Variants in GTF2F2 observed in about 807,000 individuals in gnomAD.
The protein encoded by GTF2F2 is general transcription factor IIF subunit 2.
Under a neutral mutation model 42.2 loss-of-function variants are expected in GTF2F2, and 23 were observed. The ratio of observed to expected loss-of-function variants is 0.55; its 90% CI spans 0.39 to 0.77. The LOEUF (loss-of-function observed/expected upper bound fraction) is 0.77. Among genes scored for constraint, GTF2F2 ranks in the 30% least tolerant of loss-of-function variants. The probability of loss-of-function intolerance (pLI) is 0.00; values close to 1 mark genes in which losing one functional copy is unlikely to be tolerated. For missense variants in GTF2F2, 261 were observed against 287.2 expected, an observed-to-expected ratio of 0.91 and a Z score of 0.66; for synonymous variants, 105 against 100.8, an observed-to-expected ratio of 1.04 and a Z score of -0.25.
chr13:45,123,640 A>AC (rs1410656987), intron 1 of GTF2F2, among the ~76,000 whole-genome samples: 2 of 151,384 alleles, frequency 1.3e-5, no homozygotes, highest in African/African-American at 4.9e-5. Context: ...AAAAGAAAAA[A>AC]AAAAAAACAA....
chr13:45,271,969 A>G (rs1876812904), intron 7 of GTF2F2, among the ~76,000 whole-genome samples: 1 of 152,022 alleles, frequency 6.6e-6, no homozygotes, highest in African/African-American at 2.4e-5. Context: ...ACTACTACTT[A>G]ATAACTGCTG....
intron 4 of GTF2F2, chr13:45,193,621 C>CA (rs1299976117): frequency 1.6e-6 from 1 of 607,064 alleles, no homozygotes; most frequent in Non-Finnish European, 2.8e-6. Context: ...AGAGGAAGGA[C>CA]ATCTTTAGCG....
At chr13:45,216,453 C>T (rs535372764) in intron 5 of GTF2F2, among the ~76,000 whole-genome samples, 1 of 152,142 alleles carries the variant, frequency 6.6e-6, no homozygotes, top group South Asian at 2.1e-4. Context: ...CTGACATACC[C>T]AAATGTGTGA....
intron 5 of GTF2F2, among the ~76,000 whole-genome samples, chr13:45,235,299 G>A (rs1346657761): frequency 6.6e-6 from 1 of 151,672 alleles, no homozygotes; most frequent in Non-Finnish European, 1.5e-5. Flanking sequence ...ATATTTGTGA[G>A]ACTAAATTCT....
rs143999940 is a variant in GTF2F2 at position 45,245,991 on chromosome 13, A to ATTATTTAT, written c.387-6861_387-6854dup. On this transcript the variant is annotated intron_variant, in intron 5 of 7. Coordinates refer to ENST00000340473, the MANE Select transcript of GTF2F2 (RefSeq NM_004128.3). ...TTTCACCACATCCACGCCAACATCT[A>ATTATTTAT]TTATTTATTTATTTATTTATTTATT... 2.2e-3 allele frequency among the ~76,000 whole-genome samples: 313 copies of ATTATTTAT among 140,930 alleles called. 4 individuals carry two copies. The highest frequency in any genetic ancestry group is 7.4e-3 in the African/African-American group (286 of 38,802). The allele number at this position is 140,930 out of a possible 152,430, so 92.5% of individuals were successfully genotyped here.
intron 4 of GTF2F2, among the ~76,000 whole-genome samples, chr13:45,175,425 T>C (rs1435097773): frequency 6.6e-6 from 1 of 152,238 alleles, no homozygotes; most frequent in Non-Finnish European, 1.5e-5. Context: ...CTCTTCAACA[T>C]ACTGATTTCC....
intron 5 of GTF2F2, among the ~76,000 whole-genome samples, chr13:45,241,184 AATATAT>A (rs71697631): frequency 6.9e-6 from 1 of 143,886 alleles, no homozygotes; most frequent in Non-Finnish European, 1.5e-5. Context: ...ATAAATATAA[AATATAT>A]ATATATATAT....
At chr13:45,241,026 A>G (rs951287146) in intron 5 of GTF2F2, among the ~76,000 whole-genome samples, 1 of 150,718 alleles carries the variant, frequency 6.6e-6, no homozygotes, top group Non-Finnish European at 1.5e-5. Flanking sequence ...GGTGGCATGC[A>G]TCTTTTATCC....
Position 45,144,940 on chromosome 13 carries a change from A to T in GTF2F2, c.141-4830A>T, listed in dbSNP as rs560076542. ...TGTGTGTGTATATAACTTACACAAC[A>T]TGCACACATATTCCTGCTCAAAACA... On this transcript the variant is annotated intron_variant, in intron 2 of 7. Coordinates refer to ENST00000340473, the MANE Select transcript of GTF2F2 (RefSeq NM_004128.3). Among the ~76,000 whole-genome samples the T allele has an allele frequency of 6.6e-5, 10 of 152,306 alleles. No individual in the cohort carries two copies. In the South Asian group the frequency reaches 2.1e-3, roughly 32 times the overall value.
chr13:45,250,051 CTTT>C (rs780347641), intron 5 of GTF2F2, among the ~76,000 whole-genome samples: 29 of 100,874 alleles, frequency 2.9e-4, no homozygotes, highest in African/African-American at 1.1e-3. Flanking sequence ...TGCCTTATCT[CTTT>C]TTTTTTTTTT....
At chr13:45,266,273 A>G (rs144885756) in intron 6 of GTF2F2, among the ~76,000 whole-genome samples, 35 of 152,378 alleles carry the variant, frequency 2.3e-4, no homozygotes, top group Non-Finnish European at 4.0e-4. Context: ...TAGAGGTCAC[A>G]TGAAGTTTTA....
chr13:45,246,996 G>A (rs992705232), intron 5 of GTF2F2, among the ~76,000 whole-genome samples: 5 of 145,572 alleles, frequency 3.4e-5, no homozygotes, highest in South Asian at 2.2e-4. Flanking sequence ...CGAGATAAGC[G>A]CCACTGCACT....
At chr13:45,212,745 C>CT (rs1009937722) in intron 5 of GTF2F2, among the ~76,000 whole-genome samples, 8 of 150,824 alleles carry the variant, frequency 5.3e-5, no homozygotes, top group Non-Finnish European at 7.4e-5. Context: ...TTTGTAGTTT[C>CT]TTTTTTTTGT....
chr13:45,267,140 A>G (rs1876595833), intron 6 of GTF2F2, 93 bp from the exon 7 acceptor site: 1 of 1,079,706 alleles, frequency 9.3e-7, no homozygotes, highest in East Asian at 2.4e-5. Context: ...CAAGAGCAAA[A>G]CTCTGTCTCA....
chr13:45,216,509 G>A (rs946344029), intron 5 of GTF2F2, among the ~76,000 whole-genome samples: 1 of 151,724 alleles, frequency 6.6e-6, no homozygotes. Flanking sequence ...AAAGTCTTGT[G>A]TTTGTTTTTT....
chr13:45,155,332 C>A (rs1420281079), intron 4 of GTF2F2, among the ~76,000 whole-genome samples: 3 of 152,190 alleles, frequency 2.0e-5, no homozygotes, highest in Non-Finnish European at 4.4e-5. Flanking sequence ...AAGTATAGAA[C>A]TGTACCTGCT....
intron 7 of GTF2F2, among the ~76,000 whole-genome samples, chr13:45,282,194 A>G (rs550030082): frequency 2.4e-4 from 37 of 151,914 alleles, no homozygotes; most frequent in Non-Finnish European, 5.2e-4. Flanking sequence ...GCAAAACTCC[A>G]TCTCAAAATA....
intron 1 of GTF2F2, among the ~76,000 whole-genome samples, chr13:45,128,307 G>A (rs999759869): frequency 1.4e-5 from 2 of 147,712 alleles, no homozygotes; most frequent in Non-Finnish European, 3.0e-5. Flanking sequence ...GGGCACAGTG[G>A]CTCACGCCTG....
intron 5 of GTF2F2, among the ~76,000 whole-genome samples, chr13:45,212,657 C>G (rs949615912): frequency 6.6e-6 from 1 of 151,798 alleles, no homozygotes; most frequent in Non-Finnish European, 1.5e-5. Flanking sequence ...CCTCTGCCTC[C>G]CAGGTTCAAA....
Sources: gnomAD v4.1 joint callset for allele counts (sites outside exome capture counted in the v4.1 genomes callset) on GRCh38, gnomAD v4.1.1 for gene constraint, MANE v1.5 for transcripts, NCBI Gene and HGNC (gene_info 2026-07-23, HGNC 2026-07-21) for gene names.